GRIK3: variants seen among roughly 807,000 people sequenced by gnomAD.
The protein encoded by GRIK3 is glutamate ionotropic receptor kainate type subunit 3, also known as glutamate receptor ionotropic, kainate 3.
A neutral mutation model predicts 102.5 loss-of-function variants in GRIK3; 29 were observed. The observed-to-expected ratio is 0.28, with a 90% CI of 0.21 to 0.39. The LOEUF (loss-of-function observed/expected upper bound fraction) is 0.39, where lower values mean the gene tolerates loss of function less well. Ranked by LOEUF, GRIK3 falls within the 10% of genes least tolerant of loss-of-function variation. GRIK3 has a pLI of 1.00. For missense variants in GRIK3, 908 were observed against 1,252.4 expected (o/e 0.73, Z 4.15); for synonymous variants, 511 against 504.9 (o/e 1.01, Z -0.16).
chr1:36,877,742 C>T (rs1570774961), intron 3 of GRIK3, among the ~76,000 whole-genome samples: 1 of 152,152 alleles, frequency 6.6e-6, no homozygotes, highest in African/African-American at 2.4e-5. Context: ...CCTCATGATT[C>T]CTCTCCTCAT....
chr1:36,831,527 C>T (rs940524438), intron 10 of GRIK3, among the ~76,000 whole-genome samples: 2 of 152,276 alleles, frequency 1.3e-5, no homozygotes, highest in South Asian at 2.1e-4. Flanking sequence ...TGAATCTATC[C>T]GTATCCATGG....
At chr1:36,815,743 A>G (rs1428619207) in intron 13 of GRIK3, among the ~76,000 whole-genome samples, 1 of 152,042 alleles carries the variant, frequency 6.6e-6, no homozygotes, top group African/African-American at 2.4e-5. Flanking sequence ...TGGGGCCTGC[A>G]AGCTGTGTTT....
chr1:36,856,325 G>C (rs1198498163), intron 7 of GRIK3, among the ~76,000 whole-genome samples: 1 of 152,216 alleles, frequency 6.6e-6, no homozygotes, highest in East Asian at 1.9e-4. Context: ...CTGTCTGTGG[G>C]CGGGTGGACA....
At chr1:36,841,131 G>A (rs539400438) in intron 10 of GRIK3, among the ~76,000 whole-genome samples, 2 of 152,168 alleles carry the variant, frequency 1.3e-5, no homozygotes, top group African/African-American at 4.8e-5. Flanking sequence ...GTCTCAAGAA[G>A]CCCAGGTACA....
chr1:36,922,321 C>T (rs903241198), intron 1 of GRIK3, among the ~76,000 whole-genome samples: 19 of 152,190 alleles, frequency 1.2e-4, no homozygotes, highest in African/African-American at 4.1e-4. Context: ...GGAGGTCAGG[C>T]GGTGGGTTCT....
intron 3 of GRIK3, among the ~76,000 whole-genome samples, chr1:36,874,631 C>G (rs1414222439): frequency 6.6e-6 from 1 of 152,196 alleles, no homozygotes; most frequent in East Asian, 1.9e-4. Flanking sequence ...AATGATGCTT[C>G]CCTTTCATAT....
intron 3 of GRIK3, among the ~76,000 whole-genome samples, chr1:36,873,429 T>C (rs1640864792): frequency 6.6e-6 from 1 of 152,168 alleles, no homozygotes; most frequent in East Asian, 1.9e-4. Context: ...AAGGTCCATT[T>C]TTGCTGACTT....
At position 36,869,231 on chromosome 1, in the gene GRIK3, A is replaced by G. The variant is rs116848381; in HGVS notation, c.786+517T>C. 3.6e-4 allele frequency among the ~76,000 whole-genome samples: 55 copies of G among 152,338 alleles called. 1 individual carries two copies. In the East Asian group the frequency reaches 9.8e-3, roughly 27 times the overall value. On this transcript the variant is annotated intron_variant, in intron 5 of 15. Coordinates refer to ENST00000373091, the MANE Select transcript of GRIK3 (RefSeq NM_000831.4). ...GCCTGTAGGTGGGCTGGGCTAGCTG[A>G]CAGTGAGTGGGCAGACTTCAGTATG...
intron 1 of GRIK3, among the ~76,000 whole-genome samples, chr1:37,019,771 C>T (rs1642691687): frequency 6.6e-6 from 1 of 152,198 alleles, no homozygotes; most frequent in Admixed American, 6.5e-5. Context: ...ACCACAATTT[C>T]CAAAGCAGAT....
At chr1:37,033,058 GA>G (rs1642845681) in intron 1 of GRIK3, among the ~76,000 whole-genome samples, 1 of 152,190 alleles carries the variant, frequency 6.6e-6, no homozygotes, top group Admixed American at 6.5e-5. Flanking sequence ...TGCGGTGATG[GA>G]GGCTCCGTCT....
chr1:36,801,741 G>T lies in GRIK3; in HGVS notation c.*110C>A. On this transcript the variant is annotated 3_prime_UTR_variant, in exon 16 of 16. Coordinates refer to ENST00000373091, the MANE Select transcript of GRIK3 (RefSeq NM_000831.4). The stretch of plus-strand genomic sequence containing the variant: ...AGGAGGCTCCTGGCCCAACAGGCAG[G>T]TGGCAGCTCTGGTCCCCAAGCCCAG... 1 of 909,742 alleles carries T rather than the reference G, an allele frequency of 1.1e-6. No individual in the cohort carries two copies. 56.4% of individuals were successfully genotyped at this position (909,742 alleles called of 1,614,324 possible).
At chr1:36,918,295 T>C (rs1641429200) in intron 1 of GRIK3, among the ~76,000 whole-genome samples, 1 of 152,208 alleles carries the variant, frequency 6.6e-6, no homozygotes, top group Admixed American at 6.5e-5. Flanking sequence ...GATATCATTC[T>C]CCTTTTTCAT....
chr1:36,846,948 A>G (rs986700554), intron 9 of GRIK3, among the ~76,000 whole-genome samples: 2 of 152,116 alleles, frequency 1.3e-5, no homozygotes, highest in African/African-American at 2.4e-5. Context: ...CATCAGGGAT[A>G]CTCCAGAGGT....
At chr1:36,942,211 T>A (rs956437080) in intron 1 of GRIK3, among the ~76,000 whole-genome samples, 4 of 152,176 alleles carry the variant, frequency 2.6e-5, no homozygotes, top group Non-Finnish European at 5.9e-5. Flanking sequence ...GAATTCTCCG[T>A]CGAGCAGGTC....
At chr1:36,897,192 A>G (rs1198272313) in intron 1 of GRIK3, among the ~76,000 whole-genome samples, 1 of 152,206 alleles carries the variant, frequency 6.6e-6, no homozygotes, top group Non-Finnish European at 1.5e-5. Context: ...CAAGTCAGAA[A>G]GGAAGAAGTA....
At chr1:36,907,862 T>A (rs892819647) in intron 1 of GRIK3, among the ~76,000 whole-genome samples, 2 of 152,144 alleles carry the variant, frequency 1.3e-5, no homozygotes, top group Admixed American at 6.5e-5. Context: ...ATTTGAATTT[T>A]GGTTCCACTC....
Position 36,819,689 on chromosome 1 carries a change from G to T in GRIK3, c.1873+47C>A. ...ATGCCAAAGAGGCTGAAGACCGCTT[G>T]GGGAAAGCAGACCCTGGAAGGGGAG... On this transcript the variant is annotated intron_variant, in intron 12 of 15. Coordinates refer to ENST00000373091, the MANE Select transcript of GRIK3 (RefSeq NM_000831.4). The surrounding 1 kb of genome is among the most constrained non-coding windows in gnomAD (Gnocchi z 4.1). The T allele has an allele frequency of 1.0e-6, 1 of 991,798 alleles. No homozygotes were observed. Among genetic ancestry groups the T allele is most frequent in the Non-Finnish European group, 1.6e-6 (1 of 612,548 alleles). The allele number at this position is 991,798 out of a possible 1,614,324, so 61.4% of individuals were successfully genotyped here.
At chr1:36,991,456 C>A (rs1642362485) in intron 1 of GRIK3, among the ~76,000 whole-genome samples, 1 of 152,180 alleles carries the variant, frequency 6.6e-6, no homozygotes, top group Non-Finnish European at 1.5e-5. Flanking sequence ...AGCCTCAGCC[C>A]AGCCTCCCTA....
chr1:36,887,761 A>ATATAT (rs1310176712), intron 2 of GRIK3, among the ~76,000 whole-genome samples: 1 of 55,316 alleles, frequency 1.8e-5, no homozygotes, highest in African/African-American at 7.4e-5. Context: ...CATCTCAAAA[A>ATATAT]AAAAAAAAAA....
Sources: gnomAD v4.1 joint callset for allele counts (sites outside exome capture counted in the v4.1 genomes callset) on GRCh38, gnomAD v4.1.1 for gene constraint, Gnocchi (gnomAD v3.1) non-coding constraint, MANE v1.5 for transcripts, NCBI Gene and HGNC (gene_info 2026-07-23, HGNC 2026-07-21) for gene names.